SPTBN4: variants seen among roughly 807,000 people sequenced by gnomAD.
SPTBN4 encodes spectrin beta chain, non-erythrocytic 4.
In SPTBN4, 96 loss-of-function variants were observed where a neutral mutation model predicts 277.8. The observed-to-expected ratio is 0.35, with a 90% confidence interval of 0.29 to 0.41. The LOEUF (loss-of-function observed/expected upper bound fraction) is 0.41. Among genes scored for constraint, SPTBN4 ranks in the 10% least tolerant of loss-of-function variants. SPTBN4 has a pLI of 1.00. For synonymous variants in SPTBN4, 1,481 were observed against 1,580.3 expected, an observed-to-expected ratio of 0.94 and a Z score of 1.49; for missense variants, 3,006 against 3,595.7, an observed-to-expected ratio of 0.84 and a Z score of 4.19.
chr19:40,473,444 A>C (rs8106832), intron 2 of SPTBN4, among the ~76,000 whole-genome samples: 55,148 of 142,706 alleles, frequency 0.39, 10,713 homozygotes, highest in African/African-American at 0.46. Context: ...CGCAACCTCC[A>C]CCTCCCAGGT....
chr19:40,540,736 C>T (rs980973084), intron 20 of SPTBN4, among the ~76,000 whole-genome samples: 1 of 145,264 alleles, frequency 6.9e-6, no homozygotes, highest in Non-Finnish European at 1.5e-5. Context: ...ATCACTTGAG[C>T]CCAGGAGGTT....
chr19:40,527,256 C>T (rs2080603646), intron 17 of SPTBN4, among the ~76,000 whole-genome samples: 1 of 152,200 alleles, frequency 6.6e-6, no homozygotes, highest in South Asian at 2.1e-4. Context: ...CTGCCTCTGT[C>T]TTTCACAGAT....
chr19:40,573,253 A>G (rs2081170852), intron 35 of SPTBN4, among the ~76,000 whole-genome samples: 1 of 152,180 alleles, frequency 6.6e-6, no homozygotes, highest in African/African-American at 2.4e-5. Flanking sequence ...TCAAGGCTAC[A>G]ATGAGCTGTG....
rs769190208 is a variant in SPTBN4 at position 40,490,154 on chromosome 19, G to A, written c.401G>A (p.Arg134His). The stretch of plus-strand genomic sequence containing the variant: ...GCGCTGCAGTTTCTGAAGGAGCAGC[G>A]CGTGCACCTGGAGAACGTGGGTTCG... Reference protein sequence around the residue: ...DKALQFLKEQRVHLENVGSHD... With the variant: ...DKALQFLKEQHVHLENVGSHD... Residue 134 changes from arginine to histidine, a missense_variant, in exon 4 of 36, where the codon CGC becomes CAC. Coordinates refer to ENST00000598249, the MANE Select transcript of SPTBN4 (RefSeq NM_020971.3). This position sits in a 1 kb window ranked among gnomAD's most constrained non-coding sequence, Gnocchi z 4.3. The A allele has an allele frequency of 3.7e-6, 6 of 1,614,204 alleles. No individual in the cohort carries two copies. Among genetic ancestry groups the A allele is most frequent in the African/African-American group, 1.3e-5 (1 of 75,072 alleles).
chr19:40,534,037 T>C (rs748409766), intron 19 of SPTBN4, 43 bp from the exon 20 acceptor site: 2 of 1,556,604 alleles, frequency 1.3e-6, no homozygotes, highest in Admixed American at 1.9e-5. Context: ...CCCCACCATC[T>C]ATCTATCTTC....
At chr19:40,562,529 CAAAAAAA>C (rs35366889) in intron 27 of SPTBN4, among the ~76,000 whole-genome samples, 7 of 55,704 alleles carry the variant, frequency 1.3e-4, no homozygotes, top group East Asian at 7.2e-4. Flanking sequence ...GACTCTGTGT[CAAAAAAA>C]AAAAAAAAAA....
intron 20 of SPTBN4, among the ~76,000 whole-genome samples, chr19:40,538,130 T>A (rs1326631327): frequency 6.6e-6 from 1 of 152,174 alleles, no homozygotes. Flanking sequence ...GGCTCACGCC[T>A]GTAATCCCAG....
chr19:40,523,693 C>T, intron 17 of SPTBN4, 54 bp downstream of exon 17: 3 of 1,523,124 alleles, frequency 2.0e-6, no homozygotes, highest in Non-Finnish European at 2.7e-6. Flanking sequence ...TGGGGCCCAG[C>T]ATAGGGGAGT....
Position 40,568,249 on chromosome 19 carries a change from A to G in SPTBN4, c.6923A>G (p.Gln2308Arg), listed in dbSNP as rs1195065593. 7 of 1,603,514 alleles carry G rather than the reference A, an allele frequency of 4.4e-6. No individual in the cohort carries two copies. The highest frequency in any genetic ancestry group is 5.1e-6 in the Non-Finnish European group (6 of 1,175,566). Reference sequence around the variant, plus strand: ...TTGGAGCGGCAGGAGTCCAGCGAACAGGAGATGCCCATCAGAGGAGACCTG... The same window carrying G: ...TTGGAGCGGCAGGAGTCCAGCGAACGGGAGATGCCCATCAGAGGAGACCTG... ...RRLERQESSE[Q>R]EMPIRGDLVK... The change falls in exon 31 of 36, where the codon CAG becomes CGG. Residue 2308 changes from glutamine to arginine, a missense_variant. Transcript: ENST00000598249.
intron 17 of SPTBN4, among the ~76,000 whole-genome samples, chr19:40,528,366 C>G (rs1024663853): frequency 2.0e-5 from 3 of 152,234 alleles, no homozygotes; most frequent in African/African-American, 7.2e-5. Flanking sequence ...CCAAGGGCCT[C>G]GCTCTGCCTG....
intron 17 of SPTBN4, 129 bp from the exon 18 acceptor site, chr19:40,528,912 C>A: frequency 3.1e-6 from 2 of 648,408 alleles, no homozygotes; most frequent in Non-Finnish European, 5.5e-6. Flanking sequence ...CCCACTAATT[C>A]CTCCCTCTCT....
intron 4 of SPTBN4, among the ~76,000 whole-genome samples, chr19:40,492,092 T>C (rs1473936660): frequency 6.7e-6 from 1 of 149,996 alleles, no homozygotes; most frequent in African/African-American, 2.4e-5. Context: ...TTCACCAACA[T>C]TGGGAGCTGA....
At chr19:40,513,656 G>A in intron 14 of SPTBN4, 102 bp downstream of exon 14, 9 of 1,232,534 alleles carry the variant, frequency 7.3e-6, no homozygotes, top group Non-Finnish European at 9.8e-6. Flanking sequence ...GGAACTAGGA[G>A]TTCCAATCCC....
intron 18 of SPTBN4, 122 bp downstream of exon 18, chr19:40,529,253 A>C (rs574055248): frequency 4.3e-6 from 4 of 936,132 alleles, no homozygotes; most frequent in Non-Finnish European, 6.5e-6. Context: ...TGCTCGCTCT[A>C]AGCCGCCAGG....
At chr19:40,540,228 G>T (rs1483991892) in intron 20 of SPTBN4, among the ~76,000 whole-genome samples, 1 of 152,022 alleles carries the variant, frequency 6.6e-6, no homozygotes, top group Non-Finnish European at 1.5e-5. Flanking sequence ...TGCCTGGCCA[G>T]TCTTTAATTT....
intron 15 of SPTBN4, among the ~76,000 whole-genome samples, chr19:40,516,681 G>A (rs1027705520): frequency 2.6e-5 from 4 of 152,026 alleles, no homozygotes; most frequent in African/African-American, 4.8e-5. Context: ...AAAATTATCC[G>A]GGCATGGTGG....
At chr19:40,529,171 T>A (rs755331148) in intron 18 of SPTBN4, 40 bp downstream of exon 18, 2 of 1,576,566 alleles carry the variant, frequency 1.3e-6, no homozygotes, top group Middle Eastern at 1.7e-4. Context: ...GACATCCCCT[T>A]TAGTCGGGAG....
intron 2 of SPTBN4, among the ~76,000 whole-genome samples, chr19:40,474,975 C>T (rs1295680717): frequency 6.6e-6 from 1 of 151,764 alleles, no homozygotes; most frequent in East Asian, 1.9e-4. Context: ...GCTAAAATAA[C>T]CCTCCCACCT....
chr19:40,476,345 C>CAAAA (rs60942038), intron 2 of SPTBN4, among the ~76,000 whole-genome samples: 2 of 115,560 alleles, frequency 1.7e-5, no homozygotes, highest in Non-Finnish European at 3.5e-5. Context: ...AACTCTGTCT[C>CAAAA]AAAAAAAAAA....
Sources: allele counts gnomAD v4.1 joint callset (sites outside exome capture counted in the v4.1 genomes callset), GRCh38; gene constraint gnomAD v4.1.1; non-coding constraint Gnocchi (gnomAD v3.1); transcripts MANE v1.5; gene names NCBI Gene and HGNC (gene_info 2026-07-23, HGNC 2026-07-21).